Variants in CAP2 observed in about 807,000 individuals in gnomAD.
CAP2 encodes the protein adenylyl cyclase-associated protein 2.
Under a neutral mutation model 57.7 loss-of-function variants are expected in CAP2, and 24 were observed. The observed-to-expected ratio is 0.42, with a 90% confidence interval of 0.30 to 0.58. The LOEUF (loss-of-function observed/expected upper bound fraction) is 0.58. CAP2 is among the 20% of genes least tolerant of loss of function. The pLI is 0.22. For synonymous variants in CAP2, 194 were observed against 207.2 expected, an observed-to-expected ratio of 0.94 and a Z score of 0.55; for missense variants, 501 against 590.3, an observed-to-expected ratio of 0.85 and a Z score of 1.57.
intron 1 of CAP2, among the ~76,000 whole-genome samples, chr6:17,408,671 T>C (rs1759055363): frequency 6.7e-6 from 1 of 148,850 alleles, no homozygotes; most frequent in African/African-American, 2.5e-5. Context: ...TTTTTTTTTT[T>C]TTTTTTTTGA....
In CAP2 at chr6:17,539,323, C is replaced by G; in HGVS notation, c.691C>G (p.Leu231Val). 6.2e-7 allele frequency: 1 copy of G among 1,614,078 alleles called. No individual in the cohort carries two copies. Among genetic ancestry groups the G allele is most frequent in the Non-Finnish European group, 8.5e-7 (1 of 1,179,920 alleles). ...TTCTGTCCTCTCCTCTGGGCCTGGCCTTCCTCCACCCCCTCCTCCTCTGCC... is the reference window on the plus strand; with the variant it reads ...TTCTGTCCTCTCCTCTGGGCCTGGCGTTCCTCCACCCCCTCCTCCTCTGCC... The part of the protein sequence containing the change: ...AFSVLSSGPG[L>V]PPPPPPLPPP... Residue 231 changes from leucine to valine, a missense_variant, in exon 8 of 13, where the codon CTT becomes GTT. Physicochemically the swap from Leu to Val is conservative, Grantham distance 32. Coordinates refer to ENST00000229922, the MANE Select transcript of CAP2 (RefSeq NM_006366.3).
intron 4 of CAP2, among the ~76,000 whole-genome samples, chr6:17,479,905 G>T (rs554486446): frequency 6.6e-6 from 1 of 151,926 alleles, no homozygotes; most frequent in Non-Finnish European, 1.5e-5. Flanking sequence ...GTGAGCCACC[G>T]CGCCCAGCTT....
At chr6:17,494,159 T>G (rs942691475) in intron 4 of CAP2, among the ~76,000 whole-genome samples, 1 of 152,170 alleles carries the variant, frequency 6.6e-6, no homozygotes, top group East Asian at 1.9e-4. Flanking sequence ...CAATAATCTA[T>G]TCTCAATACA....
intron 1 of CAP2, among the ~76,000 whole-genome samples, chr6:17,420,709 A>C (rs1275320542): frequency 6.6e-6 from 1 of 152,212 alleles, no homozygotes; most frequent in African/African-American, 2.4e-5. Flanking sequence ...CTGTACATAG[A>C]TTGTGTCATA....
At chr6:17,533,087 A>G (rs1442593459) in intron 7 of CAP2, among the ~76,000 whole-genome samples, 1 of 151,498 alleles carries the variant, frequency 6.6e-6, no homozygotes, top group Non-Finnish European at 1.5e-5. Flanking sequence ...CCAAAAAAAA[A>G]AAAAAAAAAA....
At chr6:17,455,629 G>A (rs1344728197) in intron 3 of CAP2, among the ~76,000 whole-genome samples, 1 of 151,496 alleles carries the variant, frequency 6.6e-6, no homozygotes, top group African/African-American at 2.4e-5. Context: ...TCCGCCTCCC[G>A]GGTTCATGCT....
At chr6:17,478,521 C>T (rs1260899364) in intron 4 of CAP2, among the ~76,000 whole-genome samples, 1 of 151,904 alleles carries the variant, frequency 6.6e-6, no homozygotes, top group Non-Finnish European at 1.5e-5. Context: ...TTGTTGTGAC[C>T]TCCTACCTTC....
chr6:17,443,993 T>C (rs1265195212), intron 3 of CAP2, among the ~76,000 whole-genome samples: 1 of 152,176 alleles, frequency 6.6e-6, no homozygotes, highest in Non-Finnish European at 1.5e-5. Context: ...TAGAAAACCC[T>C]TTTAAAAAAA....
intron 4 of CAP2, among the ~76,000 whole-genome samples, chr6:17,465,080 A>G (rs182731502): frequency 1.2e-4 from 19 of 152,374 alleles, no homozygotes; most frequent in African/African-American, 4.3e-4. Flanking sequence ...GGTCTGTGGC[A>G]TTCCAGCATG....
rs1761578908 is a variant in CAP2, at chr6:17,492,911, A to G, written c.301-14258A>G. ...GTCCCTAGGACTATGCCTGGCACCT[A>G]GTAGGTGCTCAATAAATATTGTAAC... On this transcript the variant is annotated intron_variant, in intron 4 of 12. Transcript: ENST00000229922. 2.0e-5 allele frequency among the ~76,000 whole-genome samples: 3 copies of G among 152,166 alleles called. No individual in the cohort carries two copies. In the South Asian group the frequency reaches 6.2e-4, roughly 31 times the overall value.
At chr6:17,452,084 A>G (rs1352171942) in intron 3 of CAP2, among the ~76,000 whole-genome samples, 1 of 152,232 alleles carries the variant, frequency 6.6e-6, no homozygotes, top group African/African-American at 2.4e-5. Flanking sequence ...CGATAGAATC[A>G]CAACGTAATC....
At chr6:17,412,006 C>T (rs1217897114) in intron 1 of CAP2, among the ~76,000 whole-genome samples, 1 of 152,162 alleles carries the variant, frequency 6.6e-6, no homozygotes, top group Non-Finnish European at 1.5e-5. Flanking sequence ...AAGCGAGCTT[C>T]CACTCCATGA....
chr6:17,484,258 A>T (rs1761367631), intron 4 of CAP2, among the ~76,000 whole-genome samples: 1 of 152,062 alleles, frequency 6.6e-6, no homozygotes, highest in East Asian at 1.9e-4. Context: ...ATAGAAAAGA[A>T]TCATTTCCAT....
intron 4 of CAP2, among the ~76,000 whole-genome samples, chr6:17,471,645 A>T (rs1043594013): frequency 6.6e-6 from 1 of 151,992 alleles, no homozygotes; most frequent in Non-Finnish European, 1.5e-5. Context: ...ATCCTGGCTA[A>T]CACAGTGAAA....
intron 1 of CAP2, 126 bp downstream of exon 1, chr6:17,393,872 T>G (rs150235640): frequency 0.26 from 38,141 of 147,694 alleles, 5,008 homozygotes; most frequent in South Asian, 0.35. Flanking sequence ...GCCGGGACGC[T>G]GCGGCTGTGG....
intron 3 of CAP2, among the ~76,000 whole-genome samples, chr6:17,452,947 T>G (rs1037630331): frequency 8.3e-4 from 126 of 152,032 alleles, no homozygotes; most frequent in Non-Finnish European, 1.1e-3. Flanking sequence ...TAAAAAAAAG[T>G]GGAGGAGGGG....
At chr6:17,536,336 TGTACG>T in intron 7 of CAP2, 1 of 456,384 alleles carries the variant, frequency 2.2e-6, no homozygotes, top group South Asian at 1.6e-5. Flanking sequence ...TCGAGTCCAC[TGTACG>T]GTAAAGCACC....
chr6:17,446,547 G>A (rs1197293793), intron 3 of CAP2, among the ~76,000 whole-genome samples: 1 of 152,236 alleles, frequency 6.6e-6, no homozygotes, highest in Non-Finnish European at 1.5e-5. Flanking sequence ...GGTGGCATAT[G>A]CACTTAAGAG....
chr6:17,405,018 C>G (rs146885340), intron 1 of CAP2, among the ~76,000 whole-genome samples: 177 of 152,246 alleles, frequency 1.2e-3, no homozygotes, highest in African/African-American at 4.1e-3. Context: ...CCTGTTGATG[C>G]CTGAAAGCAT....
Sources: gnomAD v4.1 joint callset for allele counts (sites outside exome capture counted in the v4.1 genomes callset) on GRCh38, gnomAD v4.1.1 for gene constraint, MANE v1.5 for transcripts, NCBI Gene and HGNC (gene_info 2026-07-23, HGNC 2026-07-21) for gene names.